LGMN: variants seen among roughly 807,000 people sequenced by gnomAD.
LGMN encodes the protein asparaginyl endopeptidase.
LGMN carries 36 observed loss-of-function variants against 56.8 expected under a neutral mutation model. The observed-to-expected ratio is 0.63, with a 90% CI of 0.49 to 0.84. The LOEUF is 0.84. Ranked by LOEUF, LGMN falls within the 40% of genes least tolerant of loss-of-function variation. The probability of loss-of-function intolerance (pLI) is 0.00; values close to 1 mark genes in which losing one functional copy is unlikely to be tolerated. For synonymous variants in LGMN, 199 were observed against 210.1 expected (o/e 0.95, Z 0.46); for missense variants, 446 against 556.1 (o/e 0.80, Z 1.99).
chr14:92,744,388 T>C (rs1181168604), intron 1 of LGMN, among the ~76,000 whole-genome samples: 1 of 152,148 alleles, frequency 6.6e-6, no homozygotes, highest in African/African-American at 2.4e-5. Context: ...CAAATGTAGG[T>C]TCATTTGACT....
intron 6 of LGMN, 64 bp from the exon 7 acceptor site, chr14:92,713,949 A>G (rs967416935): frequency 8.2e-7 from 1 of 1,223,482 alleles, no homozygotes; most frequent in African/African-American, 1.5e-5. Context: ...ATAAGCCACT[A>G]GTAAAGTTCT....
At chr14:92,707,547 A>T (rs1019565199) in intron 11 of LGMN, among the ~76,000 whole-genome samples, 1 of 152,276 alleles carries the variant, frequency 6.6e-6, no homozygotes, top group Non-Finnish European at 1.5e-5. Flanking sequence ...GCTGTCGTCT[A>T]GCAATGCCGG....
intron 5 of LGMN, among the ~76,000 whole-genome samples, chr14:92,715,148 G>A (rs144760654): frequency 0.046 from 6,935 of 151,952 alleles, 239 homozygotes; most frequent in Middle Eastern, 0.072. Context: ...ATAGGCACAC[G>A]CCACCACGCC....
Position 92,746,833 on chromosome 14 carries a change from G to A in LGMN, c.-30+1656C>T, listed in dbSNP as rs535472377. On this transcript the variant is annotated intron_variant, in intron 1 of 13. Coordinates refer to ENST00000334869, the MANE Select transcript of LGMN (RefSeq NM_005606.7). The stretch of plus-strand genomic sequence containing the variant: ...GGGTGGATCATGAGGTCAGCAGATC[G>A]AGACCATCCTGGCTAACACGGTGAA... 2.8e-4 allele frequency among the ~76,000 whole-genome samples: 42 copies of A among 151,948 alleles called. 1 individual carries two copies. Among genetic ancestry groups the A allele is most frequent in the African/African-American group, 8.4e-4 (35 of 41,426 alleles).
intron 2 of LGMN, among the ~76,000 whole-genome samples, chr14:92,719,287 G>GCCGCCGCCA (rs1890303778): frequency 3.3e-5 from 2 of 59,822 alleles, no homozygotes; most frequent in African/African-American, 1.7e-4. Flanking sequence ...CACCGCCGCC[G>GCCGCCGCCA]CCGCCGCCGC....
At chr14:92,718,618 G>A in intron 3 of LGMN, 129 bp downstream of exon 3, 1 of 517,720 alleles carries the variant, frequency 1.9e-6, no homozygotes, top group Non-Finnish European at 3.5e-6. Flanking sequence ...AGGTATCCCT[G>A]TGATCTTCTG....
intron 1 of LGMN, chr14:92,743,159 G>A (rs940340337): frequency 6.6e-6 from 1 of 152,024 alleles, no homozygotes; most frequent in Non-Finnish European, 1.5e-5. Context: ...TTATTAAAGG[G>A]TCATTCAGTC....
At position 92,706,419 on chromosome 14, in the gene LGMN, C is replaced by T. The variant is rs1030865522; in HGVS notation, c.1191+64G>A. 16 of 1,342,018 alleles carry T rather than the reference C, an allele frequency of 1.2e-5. No individual in the cohort carries two copies. The Admixed American group carries it at 3.4e-4, about 28-fold the overall frequency. 83.1% of individuals were successfully genotyped at this position (1,342,018 alleles called of 1,614,324 possible). ...CTATAAGGTCGTACAACCAATGTGA[C>T]TGCCAGGGGACAATATGAATTCAGC... On this transcript the variant is annotated intron_variant, in intron 12 of 13. Transcript: ENST00000334869.
At chr14:92,708,022 G>C (rs1329305632) in intron 11 of LGMN, among the ~76,000 whole-genome samples, 2 of 151,934 alleles carry the variant, frequency 1.3e-5, no homozygotes, top group African/African-American at 2.4e-5. Flanking sequence ...GTGGTGACGG[G>C]TGCCTGTAAT....
At chr14:92,717,328 A>T (rs1178798995) in intron 4 of LGMN, 52 bp downstream of exon 4, 6 of 1,100,440 alleles carry the variant, frequency 5.5e-6, no homozygotes, top group Non-Finnish European at 8.0e-6. Flanking sequence ...GGGAAAAATC[A>T]TCACTAAAAT....
chr14:92,729,347 C>T (rs1345694860), intron 2 of LGMN, among the ~76,000 whole-genome samples: 1 of 151,058 alleles, frequency 6.6e-6, no homozygotes, highest in Non-Finnish European at 1.5e-5. Context: ...CTCACTCTTC[C>T]AGCTCTCTCT....
At chr14:92,705,223 C>A (rs1291345176) in intron 12 of LGMN, among the ~76,000 whole-genome samples, 1 of 152,110 alleles carries the variant, frequency 6.6e-6, no homozygotes, top group Non-Finnish European at 1.5e-5. Flanking sequence ...AAGACTGGGC[C>A]GGGTGCGGTG....
chr14:92,716,372 C>A, intron 4 of LGMN, 151 bp from the exon 5 acceptor site: 1 of 653,956 alleles, frequency 1.5e-6, no homozygotes, highest in Admixed American at 2.2e-5. Context: ...GTGGCTCACG[C>A]CTGTAATCCT....
intron 1 of LGMN, among the ~76,000 whole-genome samples, chr14:92,736,845 G>A: frequency 6.6e-6 from 1 of 152,098 alleles, no homozygotes; most frequent in South Asian, 2.1e-4. Flanking sequence ...CAGCTCGAAG[G>A]TAAGGAACCA....
chr14:92,728,309 T>C (rs1379005520), intron 2 of LGMN, among the ~76,000 whole-genome samples: 1 of 152,188 alleles, frequency 6.6e-6, no homozygotes, highest in Non-Finnish European at 1.5e-5. Flanking sequence ...CAGATCACGA[T>C]AGGGTTCACG....
intron 1 of LGMN, among the ~76,000 whole-genome samples, chr14:92,743,594 G>T (rs958558223): frequency 6.6e-6 from 1 of 151,500 alleles, no homozygotes; most frequent in Non-Finnish European, 1.5e-5. Flanking sequence ...TTGAAGCCAG[G>T]AGTTCAAGAC....
chr14:92,710,008 C>T, intron 10 of LGMN, 136 bp from the exon 11 acceptor site: 1 of 637,944 alleles, frequency 1.6e-6, no homozygotes, highest in Non-Finnish European at 2.7e-6. Context: ...TCCAGCCTCT[C>T]CCTCAGAGGC....
chr14:92,706,394 CTA>C lies in LGMN; in HGVS notation c.1191+87_1191+88del, dbSNP rs892225989. The C allele has an allele frequency of 8.8e-6, 10 of 1,136,362 alleles. No homozygotes were observed. The African/African-American group carries it at 1.5e-4, about 18-fold the overall frequency. The allele number at this position is 1,136,362 out of a possible 1,614,324, so 70.4% of individuals were successfully genotyped here. ...TGTTTCTCAGCCTGGATGGAACCTT[CTA>C]TAAGGTCGTACAACCAATGTGACTG... On this transcript the variant is annotated intron_variant, in intron 12 of 13. Coordinates refer to ENST00000334869, the MANE Select transcript of LGMN (RefSeq NM_005606.7).
intron 11 of LGMN, among the ~76,000 whole-genome samples, chr14:92,707,019 C>T (rs1770969854): frequency 6.6e-6 from 1 of 152,168 alleles, no homozygotes; most frequent in African/African-American, 2.4e-5. Context: ...AATGGTTACA[C>T]AGCAGGGCAC....
Sources: gnomAD v4.1 joint callset for allele counts (sites outside exome capture counted in the v4.1 genomes callset) on GRCh38, gnomAD v4.1.1 for gene constraint, MANE v1.5 for transcripts, NCBI Gene and HGNC (gene_info 2026-07-23, HGNC 2026-07-21) for gene names.